The following BMP2K variants were observed in gnomAD, a reference collection of about 807,000 sequenced individuals.
BMP2K encodes BMP2 inducible kinase.
Under a neutral mutation model 116.0 loss-of-function variants are expected in BMP2K, and 74 were observed. The observed-to-expected ratio is 0.64, with a 90% CI of 0.53 to 0.77. The LOEUF (loss-of-function observed/expected upper bound fraction) is 0.77, where lower values mean the gene tolerates loss of function less well. Among genes scored for constraint, BMP2K ranks in the 30% least tolerant of loss-of-function variants. The pLI is 0.00. For synonymous variants in BMP2K, 486 were observed against 502.5 expected (o/e 0.97, Z 0.44); for missense variants, 1,365 against 1,403.6 (o/e 0.97, Z 0.44).
intron 3 of BMP2K, among the ~76,000 whole-genome samples, chr4:78,840,287 TTTTA>T (rs1730695881): frequency 6.6e-6 from 1 of 152,092 alleles, no homozygotes; most frequent in South Asian, 2.1e-4. Flanking sequence ...TTTATTTTAT[TTTTA>T]TTTATTTATT....
chr4:78,847,898 AT>A (rs1731085478), intron 6 of BMP2K, among the ~76,000 whole-genome samples: 1 of 151,824 alleles, frequency 6.6e-6, no homozygotes, highest in East Asian at 1.9e-4. Context: ...GTGTTAATTC[AT>A]TTAAATTCAG....
intron 13 of BMP2K, among the ~76,000 whole-genome samples, chr4:78,874,469 A>G (rs749578639): frequency 1.4e-4 from 22 of 152,214 alleles, no homozygotes; most frequent in Admixed American, 1.0e-3. Flanking sequence ...ATTCTGCTTG[A>G]TAATTGCTTA....
chr4:78,842,988 A>G (rs1040972979), intron 4 of BMP2K, among the ~76,000 whole-genome samples: 3 of 151,648 alleles, frequency 2.0e-5, no homozygotes, highest in African/African-American at 7.3e-5. Flanking sequence ...GTTTTCTATT[A>G]TTTTCTATAA....
chr4:78,876,893 C>CA (rs1315654524), intron 13 of BMP2K, among the ~76,000 whole-genome samples: 5 of 152,140 alleles, frequency 3.3e-5, no homozygotes, highest in Admixed American at 2.6e-4. Context: ...TAGCCTACTA[C>CA]ACATCTAGGC....
intron 15 of BMP2K, among the ~76,000 whole-genome samples, chr4:78,895,651 A>G (rs1176213563): frequency 6.6e-6 from 1 of 152,204 alleles, no homozygotes. Flanking sequence ...TGGGATGTAG[A>G]TGGGAATTTA....
intron 1 of BMP2K, among the ~76,000 whole-genome samples, chr4:78,810,090 C>G (rs967756108): frequency 6.6e-6 from 1 of 152,234 alleles, no homozygotes; most frequent in Non-Finnish European, 1.5e-5. Flanking sequence ...TGGGTTGCCA[C>G]TGAAGTCTGC....
At chr4:78,820,943 T>A (rs1729589429) in intron 1 of BMP2K, 2 of 152,548 alleles carry the variant, frequency 1.3e-5, no homozygotes, top group South Asian at 4.1e-4. Flanking sequence ...TAATTTTATC[T>A]TCTAGCTCCT....
chr4:78,779,776 G>A (rs539334914), intron 1 of BMP2K, among the ~76,000 whole-genome samples: 2 of 152,154 alleles, frequency 1.3e-5, no homozygotes, highest in African/African-American at 4.8e-5. Context: ...AACTGTTAAA[G>A]TTTTCTCTCT....
chr4:78,829,402 G>T lies in BMP2K; in HGVS notation c.297+3247G>T, dbSNP rs71612956. 9.2e-3 allele frequency among the ~76,000 whole-genome samples: 1,229 copies of T among 133,642 alleles called. 9 individuals carry two copies. The highest frequency in any genetic ancestry group is 0.02 in the Middle Eastern group (5 of 250). 87.7% of individuals were successfully genotyped at this position (133,642 alleles called of 152,430 possible). A position where few individuals can be genotyped will look rare whatever the true frequency, so the allele number is the denominator to read the frequency against. ...AGGCTCCACTTAATTATAGTTTTTT[G>T]TTTTTTTTTTTTTTTCTGTTTCTAC... On this transcript the variant is annotated intron_variant, in intron 2 of 15. Coordinates refer to ENST00000502613, the MANE Select transcript of BMP2K (RefSeq NM_198892.2).
intron 2 of BMP2K, among the ~76,000 whole-genome samples, chr4:78,826,963 G>T (rs1314805453): frequency 1.3e-5 from 2 of 152,154 alleles, no homozygotes; most frequent in African/African-American, 4.8e-5. Context: ...GAAGATATGA[G>T]TTTGGTTCCA....
At chr4:78,869,890 C>CTGT (rs1489459033) in intron 10 of BMP2K, among the ~76,000 whole-genome samples, 5 of 152,020 alleles carry the variant, frequency 3.3e-5, no homozygotes, top group Non-Finnish European at 7.4e-5. Context: ...TTTCATAAAG[C>CTGT]TGTTGTACTT....
intron 1 of BMP2K, among the ~76,000 whole-genome samples, chr4:78,786,404 A>AGTGTGTGTGT (rs1560498667): frequency 2.0e-5 from 2 of 98,586 alleles, no homozygotes; most frequent in Admixed American, 9.6e-5. Flanking sequence ...TAAGCCACCC[A>AGTGTGTGTGT]ATGTGTGTGT....
intron 1 of BMP2K, among the ~76,000 whole-genome samples, chr4:78,781,458 A>T (rs1727500643): frequency 6.6e-6 from 1 of 150,880 alleles, no homozygotes; most frequent in Non-Finnish European, 1.5e-5. Context: ...TTTGGAGGAC[A>T]GCCAGTAGTT....
rs757946759 is a variant in BMP2K, at chr4:78,865,677, T to A, written c.1188T>A (p.Val396=). Residue 396 remains valine, a synonymous_variant, in exon 10 of 16, where the codon GTT becomes GTA. Transcript: ENST00000502613. ...CCATTCAAAGTTCAGCAACACCTGT[T>A]AAAGTCCTTGCTCCTGGTGAATTCG... ...VLTIQSSATP[V]KVLAPGEFGN... 4 of 1,614,146 alleles carry A rather than the reference T, an allele frequency of 2.5e-6. No homozygotes were observed. Among genetic ancestry groups the A allele is most frequent in the Non-Finnish European group, 8.5e-7 (1 of 1,179,996 alleles).
rs1734513749 is a variant in BMP2K, at chr4:78,910,235, A to T, written c.2063-375A>T. Among the ~76,000 whole-genome samples the T allele has an allele frequency of 2.6e-5, 4 of 152,324 alleles. 1 individual carries two copies. The South Asian group carries it at 8.3e-4, about 32-fold the overall frequency. On this transcript the variant is annotated intron_variant, in intron 15 of 15. Coordinates refer to ENST00000502613, the MANE Select transcript of BMP2K (RefSeq NM_198892.2). ...TTACAAGAGTTGAAATATAAGCAGG[A>T]GGTATTTGGTGAATGTGAAATCTGA...
chr4:78,850,242 G>A lies in BMP2K; in HGVS notation c.751-682G>A, dbSNP rs1450874193. Among the ~76,000 whole-genome samples, 5 of 151,750 alleles carry A rather than the reference G, an allele frequency of 3.3e-5. No homozygotes were observed. In the East Asian group the frequency reaches 9.6e-4, roughly 29 times the overall value. ...TTATAGATGCAATTGGTATTTTAGG[G>A]TGTTTTGCCCTCATTGTCAGCAAGT... On this transcript the variant is annotated intron_variant, in intron 6 of 15. Coordinates refer to ENST00000502613, the MANE Select transcript of BMP2K (RefSeq NM_198892.2).
Position 78,783,949 on chromosome 4 carries a change from A to ATG in BMP2K, c.178+7230_178+7231dup, listed in dbSNP as rs1578462591. 4.6e-5 allele frequency among the ~76,000 whole-genome samples: 7 copies of ATG among 152,192 alleles called. No homozygotes were observed. The East Asian group carries it at 1.2e-3, about 25-fold the overall frequency. ...TCATGCTGGGCAGATTGAAAAGGCT[A>ATG]TGTCTTCGATATTTTAAAAATAATG... On this transcript the variant is annotated intron_variant, in intron 1 of 15. Transcript: ENST00000502613.
At chr4:78,784,400 A>G (rs976196183) in intron 1 of BMP2K, among the ~76,000 whole-genome samples, 4 of 152,128 alleles carry the variant, frequency 2.6e-5, no homozygotes, top group Non-Finnish European at 5.9e-5. Flanking sequence ...CCATTCATCT[A>G]CCCACAGCCT....
At chr4:78,886,911 A>G (rs527723798) in intron 14 of BMP2K, among the ~76,000 whole-genome samples, 1 of 152,306 alleles carries the variant, frequency 6.6e-6, no homozygotes, top group South Asian at 2.1e-4. Context: ...ATTTAAATGA[A>G]TCAGACTAAG....
Sources: allele counts gnomAD v4.1 joint callset (sites outside exome capture counted in the v4.1 genomes callset), GRCh38; gene constraint gnomAD v4.1.1; transcripts MANE v1.5; gene names NCBI Gene and HGNC (gene_info 2026-07-23, HGNC 2026-07-21).